The following FYCO1 variants were observed in gnomAD, a reference collection of about 807,000 sequenced individuals.
The protein encoded by FYCO1 is FYVE and coiled-coil domain autophagy adaptor 1, also known as FYVE and coiled-coil domain-containing protein 1.
A neutral mutation model predicts 165.1 loss-of-function variants in FYCO1; 122 were observed. That is an observed-to-expected ratio of 0.74 (90% CI 0.64 to 0.86). The LOEUF is 0.86. Among genes scored for constraint, FYCO1 ranks in the 40% least tolerant of loss-of-function variants. The pLI is 0.00. For missense variants in FYCO1, 1,702 were observed against 1,810.3 expected (o/e 0.94, Z 1.09); for synonymous variants, 648 against 742.5 (o/e 0.87, Z 2.07).
intron 14 of FYCO1, among the ~76,000 whole-genome samples, chr3:45,954,224 G>C (rs985147008): frequency 2.6e-5 from 4 of 151,458 alleles, no homozygotes; most frequent in African/African-American, 7.2e-5. Flanking sequence ...TTTGGGGGGG[G>C]TAAGGCGATT....
chr3:45,930,600 C>T (rs374946730), intron 16 of FYCO1, among the ~76,000 whole-genome samples: 1 of 152,164 alleles, frequency 6.6e-6, no homozygotes, highest in African/African-American at 2.4e-5. Flanking sequence ...CTGGTACCTG[C>T]CACCAAGATT....
chr3:45,985,593 G>T (rs1049667119), intron 1 of FYCO1, among the ~76,000 whole-genome samples: 2 of 152,082 alleles, frequency 1.3e-5, no homozygotes, highest in African/African-American at 4.8e-5. Context: ...TCGTCGTGAG[G>T]CTTGAAGCCT....
At chr3:45,922,341 G>A (rs113992433) in intron 17 of FYCO1, among the ~76,000 whole-genome samples, 2 of 152,376 alleles carry the variant, frequency 1.3e-5, no homozygotes, top group African/African-American at 4.8e-5. Context: ...ATAACTGGGA[G>A]CCTGCTCGGG....
intron 16 of FYCO1, among the ~76,000 whole-genome samples, chr3:45,927,810 C>G (rs1175974320): frequency 6.6e-6 from 1 of 152,218 alleles, no homozygotes; most frequent in East Asian, 1.9e-4. Context: ...GAGGGGAAGG[C>G]TTGCTGTTTG....
chr3:45,988,083 CA>C (rs1170628112), intron 1 of FYCO1, among the ~76,000 whole-genome samples: 7 of 152,278 alleles, frequency 4.6e-5, no homozygotes, highest in African/African-American at 1.4e-4. Context: ...GCTGATTTTT[CA>C]AAGAGCCTGT....
At chr3:45,959,877 T>A (rs1705590078) in intron 11 of FYCO1, among the ~76,000 whole-genome samples, 1 of 152,182 alleles carries the variant, frequency 6.6e-6, no homozygotes, top group Non-Finnish European at 1.5e-5. Flanking sequence ...AGCTAAAACG[T>A]GCTGCCATGC....
rs1000916088 is a variant in FYCO1, at chr3:45,921,572, C to T, written c.*193G>A. 23 of 603,314 alleles carry T rather than the reference C, an allele frequency of 3.8e-5. No individual in the cohort carries two copies. Among genetic ancestry groups the T allele is most frequent in the South Asian group, 1.1e-4 (6 of 54,674 alleles). 37.4% of individuals were successfully genotyped at this position (603,314 alleles called of 1,614,324 possible). ...TGGAAACATTGCCTGAGCCCTTCAA[C>T]GCCTCGGGGGCTAAGAGTGGCCGGT... On this transcript the variant is annotated 3_prime_UTR_variant, in exon 18 of 18. Coordinates refer to ENST00000296137, the MANE Select transcript of FYCO1 (RefSeq NM_024513.4).
intron 4 of FYCO1, among the ~76,000 whole-genome samples, chr3:45,976,059 G>A (rs765190270): frequency 1.3e-5 from 2 of 152,180 alleles, no homozygotes; most frequent in Non-Finnish European, 2.9e-5. Context: ...AAGGAGCCCA[G>A]GGGTGAGACC....
rs777771416 is a variant in FYCO1, at chr3:45,962,188, G to A, written c.3437+37C>T. The A allele has an allele frequency of 1.9e-6, 3 of 1,610,734 alleles. No homozygotes were observed. The highest frequency in any genetic ancestry group is 1.7e-5 in the Admixed American group (1 of 60,016). On this transcript the variant is annotated intron_variant, in intron 11 of 17. Transcript: ENST00000296137. The surrounding 1 kb of genome is among the most constrained non-coding windows in gnomAD (Gnocchi z 4.4). ...TTCTTTAGAGAAAAACCCCAGTGTGGGGAAAACCCCAGCTGCTGGTTTGAC... is the reference window on the plus strand; with the variant it reads ...TTCTTTAGAGAAAAACCCCAGTGTGAGGAAAACCCCAGCTGCTGGTTTGAC...
chr3:45,934,413 C>T (rs1189478672), intron 15 of FYCO1, among the ~76,000 whole-genome samples: 1 of 152,190 alleles, frequency 6.6e-6, no homozygotes, highest in Non-Finnish European at 1.5e-5. Flanking sequence ...AACTTATTAT[C>T]TATGGGGGAA....
At chr3:45,933,275 A>T (rs960882485) in intron 15 of FYCO1, among the ~76,000 whole-genome samples, 2 of 152,224 alleles carry the variant, frequency 1.3e-5, no homozygotes, top group Non-Finnish European at 1.5e-5. Flanking sequence ...GTGTTCTGAG[A>T]TAATCCCAAC....
At chr3:45,956,181 T>C (rs1419879631) in intron 13 of FYCO1, among the ~76,000 whole-genome samples, 2 of 151,682 alleles carry the variant, frequency 1.3e-5, no homozygotes, top group Non-Finnish European at 2.9e-5. Context: ...AATAAAAATA[T>C]AAAAATTAGC....
rs561629399 is a variant in FYCO1 at position 45,979,213 on chromosome 3, G to A, written c.288+492C>T. ...CCATGGCATTTTGCTCTTGAGGGGCGCAGAATTTAAAGTAGAAAGTTGGCA... is the reference window on the plus strand; with the variant it reads ...CCATGGCATTTTGCTCTTGAGGGGCACAGAATTTAAAGTAGAAAGTTGGCA... On this transcript the variant is annotated intron_variant, in intron 4 of 17. Coordinates refer to ENST00000296137, the MANE Select transcript of FYCO1 (RefSeq NM_024513.4). Among the ~76,000 whole-genome samples, 150 of 152,322 alleles carry A rather than the reference G, an allele frequency of 9.8e-4. 1 individual carries two copies. The highest frequency in any genetic ancestry group is 3.3e-3 in the African/African-American group (138 of 41,570).
chr3:45,918,456 T>A lies in FYCO1; in HGVS notation c.*3309A>T, dbSNP rs990706066. 1 of 152,214 alleles carries A rather than the reference T, an allele frequency of 6.6e-6. No individual in the cohort carries two copies. The highest frequency in any genetic ancestry group is 1.5e-5 in the Non-Finnish European group (1 of 68,038). 9.4% of individuals were successfully genotyped at this position (152,214 alleles called of 1,614,324 possible). A position where few individuals can be genotyped will look rare whatever the true frequency, so the allele number is the denominator to read the frequency against. On this transcript the variant is annotated 3_prime_UTR_variant, in exon 18 of 18. Transcript: ENST00000296137. ...AGAATGGCCGTCTCGATGGTCTTTGTGTACATGACCATCCTTGGTTCTAAG... is the reference window on the plus strand; with the variant it reads ...AGAATGGCCGTCTCGATGGTCTTTGAGTACATGACCATCCTTGGTTCTAAG...
At chr3:45,987,413 G>T (rs1261781698) in intron 1 of FYCO1, among the ~76,000 whole-genome samples, 1 of 152,180 alleles carries the variant, frequency 6.6e-6, no homozygotes, top group Non-Finnish European at 1.5e-5. Context: ...AAAAAAAAAT[G>T]CAGTGGGATC....
chr3:45,950,098 T>C (rs1478810774), intron 14 of FYCO1, among the ~76,000 whole-genome samples: 1 of 152,100 alleles, frequency 6.6e-6, no homozygotes, highest in Non-Finnish European at 1.5e-5. Context: ...GCAGAGCCAG[T>C]TCCCAATCTC....
intron 17 of FYCO1, 96 bp downstream of exon 17, chr3:45,923,560 C>G: frequency 1.2e-6 from 1 of 803,110 alleles, no homozygotes; most frequent in Non-Finnish European, 2.3e-6. Context: ...TAATAAGTTA[C>G]TGACAAATAA....
intron 7 of FYCO1, 88 bp from the exon 8 acceptor site, chr3:45,968,791 G>A: frequency 6.6e-7 from 1 of 1,507,398 alleles, no homozygotes. Context: ...GAGAGCAGAG[G>A]TAAAAATACA....
At chr3:45,965,535 G>A (rs572147649) in intron 8 of FYCO1, among the ~76,000 whole-genome samples, 9 of 152,286 alleles carry the variant, frequency 5.9e-5, no homozygotes, top group African/African-American at 2.2e-4. Flanking sequence ...GCCATTCTGC[G>A]CTGTCTTCAC....
Sources: allele counts gnomAD v4.1 joint callset (sites outside exome capture counted in the v4.1 genomes callset), GRCh38; gene constraint gnomAD v4.1.1; non-coding constraint Gnocchi (gnomAD v3.1); transcripts MANE v1.5; gene names NCBI Gene and HGNC (gene_info 2026-07-23, HGNC 2026-07-21).